The following ADORA2B variants were observed in gnomAD, a reference collection of about 807,000 sequenced individuals.
The protein encoded by ADORA2B is adenosine A2b receptor.
A neutral mutation model predicts 20.8 loss-of-function variants in ADORA2B; 18 were observed. The observed-to-expected ratio is 0.87, with a 90% confidence interval of 0.60 to 1.29. The LOEUF (loss-of-function observed/expected upper bound fraction) is 1.29. ADORA2B is among the 50% of genes most tolerant of loss of function. The probability of loss-of-function intolerance (pLI) is 0.00; values close to 1 mark genes in which losing one functional copy is unlikely to be tolerated. For missense variants in ADORA2B, 441 were observed against 422.7 expected, an observed-to-expected ratio of 1.04 and a Z score of -0.38; for synonymous variants, 179 against 178.3, an observed-to-expected ratio of 1.00 and a Z score of -0.03.
In ADORA2B at chr17:15,945,155, C is replaced by T. The variant is rs1390310426; in HGVS notation, c.-94C>T. 80 of 1,128,360 alleles carry T rather than the reference C, an allele frequency of 7.1e-5. No individual in the cohort carries two copies. Among genetic ancestry groups the T allele is most frequent in the Non-Finnish European group, 8.1e-5 (71 of 872,576 alleles). The allele number at this position is 1,128,360 out of a possible 1,614,324, so 69.9% of individuals were successfully genotyped here. The stretch of plus-strand genomic sequence containing the variant: ...AGAAGCGGCAGGCGGAGGCGCGGTC[C>T]GGGCGCTATGGCCATGCCCGGCGGG... On this transcript the variant is annotated 5_prime_UTR_variant, in exon 1 of 2. Transcript: ENST00000304222.
the ADORA2B span, among the ~76,000 whole-genome samples, chr17:15,871,063 G>A: frequency 2.0e-5 from 3 of 152,216 alleles, no homozygotes; most frequent in Non-Finnish European, 4.4e-5. Context: ...GGGAGACACA[G>A]TCCTCTCCTG....
upstream of ADORA2B, chr17:15,945,086 C>G (rs1367662974): frequency 1.9e-6 from 1 of 532,412 alleles, no homozygotes; most frequent in African/African-American, 2.0e-5. Flanking sequence ...GCGGGGGGCC[C>G]CGACCCGTGG....
the ADORA2B span, among the ~76,000 whole-genome samples, chr17:15,929,104 C>T: frequency 6.6e-6 from 1 of 152,004 alleles, no homozygotes; most frequent in African/African-American, 2.4e-5. Context: ...CGACTTCTAG[C>T]AGAGTGAGAG....
chr17:15,908,453 G>GT, the ADORA2B span: 1 of 153,616 alleles, frequency 6.5e-6, no homozygotes, highest in African/African-American at 2.4e-5. Context: ...TCCAGGCAGC[G>GT]TAAGACCTAA....
the ADORA2B span, among the ~76,000 whole-genome samples, chr17:15,861,633 G>C: frequency 3.2e-4 from 48 of 152,302 alleles, no homozygotes; most frequent in Middle Eastern, 0.01. Flanking sequence ...CAGTGTTTAA[G>C]GAGGACTTTG....
At chr17:15,971,635 T>TA (rs1555590773) in intron 1 of ADORA2B, among the ~76,000 whole-genome samples, 1 of 150,784 alleles carries the variant, frequency 6.6e-6, no homozygotes, top group Non-Finnish European at 1.5e-5. Context: ...GGCCATTTTT[T>TA]TTTTTTTTTT....
At chr17:15,871,111 G>T in the ADORA2B span, among the ~76,000 whole-genome samples, 1 of 152,230 alleles carries the variant, frequency 6.6e-6, no homozygotes, top group Non-Finnish European at 1.5e-5. Context: ...TCATGAGCCA[G>T]TGTGCTTTGG....
At chr17:15,903,021 T>C in the ADORA2B span, among the ~76,000 whole-genome samples, 1 of 152,250 alleles carries the variant, frequency 6.6e-6, no homozygotes, top group Non-Finnish European at 1.5e-5. Flanking sequence ...ATTATGAATT[T>C]ATATTTTATA....
At chr17:15,959,461 A>G (rs1333688301) in intron 1 of ADORA2B, among the ~76,000 whole-genome samples, 1 of 151,122 alleles carries the variant, frequency 6.6e-6, no homozygotes, top group Non-Finnish European at 1.5e-5. Context: ...TTTGTCTCAC[A>G]CACACATACA....
chr17:15,939,197 C>T, the ADORA2B span, among the ~76,000 whole-genome samples: 15 of 152,186 alleles, frequency 9.9e-5, no homozygotes, highest in East Asian at 9.7e-4. Context: ...CCCGCCACCA[C>T]GCCCAGCTAT....
chr17:15,890,034 C>G, the ADORA2B span, among the ~76,000 whole-genome samples: 1 of 130,102 alleles, frequency 7.7e-6, no homozygotes, highest in South Asian at 2.3e-4. Flanking sequence ...CACTGGACGC[C>G]TAGATGTGAT....
the ADORA2B span, among the ~76,000 whole-genome samples, chr17:15,869,180 C>T: frequency 2.0e-5 from 3 of 151,042 alleles, no homozygotes; most frequent in East Asian, 1.9e-4. Flanking sequence ...ATTAGCCAGG[C>T]GTGGTGACGC....
At chr17:15,942,711 T>C (rs1597841187), upstream of ADORA2B, among the ~76,000 whole-genome samples, 3 of 152,312 alleles carry the variant, frequency 2.0e-5, no homozygotes, top group Admixed American at 2.0e-4. Context: ...CACTCACTCC[T>C]TTGGATATTG....
At chr17:15,967,864 C>A (rs1022339353) in intron 1 of ADORA2B, among the ~76,000 whole-genome samples, 1 of 152,094 alleles carries the variant, frequency 6.6e-6, no homozygotes, top group East Asian at 1.9e-4. Flanking sequence ...ATGACTCAAG[C>A]ATGGACAACT....
At chr17:15,909,566 G>A in the ADORA2B span, among the ~76,000 whole-genome samples, 1 of 132,992 alleles carries the variant, frequency 7.5e-6, no homozygotes. Flanking sequence ...AGGAACTCAC[G>A]GTCCTCGTCT....
chr17:15,891,519 T>C, the ADORA2B span, among the ~76,000 whole-genome samples: 1 of 152,196 alleles, frequency 6.6e-6, no homozygotes, highest in African/African-American at 2.4e-5. Flanking sequence ...TTATCCTCTG[T>C]GATCTGTAAA....
the ADORA2B span, among the ~76,000 whole-genome samples, chr17:15,885,447 G>T: frequency 6.6e-6 from 1 of 152,230 alleles, no homozygotes; most frequent in East Asian, 1.9e-4. Flanking sequence ...GGCGTGGTGC[G>T]TCACGCCTGT....
At chr17:15,957,928 T>G (rs940426049) in intron 1 of ADORA2B, among the ~76,000 whole-genome samples, 19 of 152,322 alleles carry the variant, frequency 1.2e-4, no homozygotes, top group African/African-American at 2.9e-4. Context: ...GAGTGTTTTT[T>G]TTTGTTTGTT....
chr17:15,909,614 C>A, the ADORA2B span, among the ~76,000 whole-genome samples: 1 of 152,190 alleles, frequency 6.6e-6, no homozygotes, highest in Non-Finnish European at 1.5e-5. Context: ...TTCACACCCA[C>A]ACAGGCTTGT....
Sources: gnomAD v4.1 joint callset for allele counts (sites outside exome capture counted in the v4.1 genomes callset) on GRCh38, gnomAD v4.1.1 for gene constraint, MANE v1.5 for transcripts, NCBI Gene and HGNC (gene_info 2026-07-23, HGNC 2026-07-21) for gene names.